The following DSG1 variants were observed in gnomAD, a reference collection of about 807,000 sequenced individuals.
The protein encoded by DSG1 is desmoglein 1, also known as desmoglein-1.
A neutral mutation model predicts 97.5 loss-of-function variants in DSG1; 39 were observed. The ratio of observed to expected loss-of-function variants is 0.40; its 90% confidence interval spans 0.31 to 0.52. The LOEUF (loss-of-function observed/expected upper bound fraction) is 0.52. Among genes scored for constraint, DSG1 ranks in the 20% least tolerant of loss-of-function variants. DSG1 has a pLI of 0.53. For synonymous variants in DSG1, 475 were observed against 443.4 expected, an observed-to-expected ratio of 1.07 and a Z score of -0.90; for missense variants, 1,311 against 1,295.4, an observed-to-expected ratio of 1.01 and a Z score of -0.18.
Position 31,332,237 on chromosome 18 carries a change from G to A in DSG1, c.684+370G>A, listed in dbSNP as rs187738468. ...ATGACTTGCTATATGTCCACGTTTT[G>A]GTGAGTTACAGTGCATGCGAGTATG... On this transcript the variant is annotated intron_variant, in intron 6 of 14. Transcript: ENST00000257192. 2.0e-4 allele frequency among the ~76,000 whole-genome samples: 31 copies of A among 152,178 alleles called. No individual in the cohort carries two copies. In the East Asian group the frequency reaches 5.8e-3, roughly 28 times the overall value.
In DSG1 at chr18:31,329,963, G is replaced by C; in HGVS notation, c.444G>C (p.Leu148Phe). The C allele has an allele frequency of 6.2e-7, 1 of 1,613,238 alleles. No individual in the cohort carries two copies. The highest frequency in any genetic ancestry group is 8.5e-7 in the Non-Finnish European group (1 of 1,179,392). The change falls in exon 5 of 15, where the codon TTG becomes TTC. Residue 148 changes from leucine to phenylalanine, a missense_variant. Transcript: ENST00000257192. ...CTCTAGAGCTCAGAGTCAGGGTTTT[G>C]GATATAAATGACAACCCTCCAGTGT... Reference protein sequence around the residue: ...ERPLELRVRVLDINDNPPVFS... With the variant: ...ERPLELRVRVFDINDNPPVFS...
At chr18:31,353,329 T>C (rs1261502583) in intron 14 of DSG1, among the ~76,000 whole-genome samples, 1 of 151,728 alleles carries the variant, frequency 6.6e-6, no homozygotes, top group East Asian at 1.9e-4. Flanking sequence ...CTGCCCGTTC[T>C]CAGTTCTCCA....
At chr18:31,351,143 C>T (rs1218826229) in intron 14 of DSG1, among the ~76,000 whole-genome samples, 8 of 146,140 alleles carry the variant, frequency 5.5e-5, no homozygotes, top group Non-Finnish European at 7.4e-5. Context: ...GCTTTGAATG[C>T]GTCCCAGAGA....
At chr18:31,347,454 A>G (rs1265744675) in intron 14 of DSG1, among the ~76,000 whole-genome samples, 1 of 152,120 alleles carries the variant, frequency 6.6e-6, no homozygotes, top group African/African-American at 2.4e-5. Context: ...CCCAAAATGT[A>G]AGCTCTGTGA....
At chr18:31,350,476 G>A (rs1313957864) in intron 14 of DSG1, among the ~76,000 whole-genome samples, 1 of 149,222 alleles carries the variant, frequency 6.7e-6, no homozygotes, top group African/African-American at 2.5e-5. Flanking sequence ...AATGATGCTG[G>A]CCTCATAAAA....
intron 14 of DSG1, 100 bp from the exon 15 acceptor site, chr18:31,354,197 C>A: frequency 9.8e-7 from 1 of 1,024,404 alleles, no homozygotes; most frequent in Non-Finnish European, 1.5e-6. Flanking sequence ...TTTCATTCCT[C>A]TTTGGAAATG....
chr18:31,329,755 T>C, intron 4 of DSG1, 137 bp from the exon 5 acceptor site: 1 of 1,084,174 alleles, frequency 9.2e-7, no homozygotes, highest in Non-Finnish European at 1.4e-6. Context: ...CCTTAGTGAC[T>C]GTAAGTAGGG....
chr18:31,350,940 T>C (rs964125067), intron 14 of DSG1, among the ~76,000 whole-genome samples: 1 of 150,688 alleles, frequency 6.6e-6, no homozygotes, highest in African/African-American at 2.5e-5. Context: ...CATTAATTTT[T>C]TGAAGGGTTT....
chr18:31,354,796 G>A lies in DSG1; in HGVS notation c.2600G>A (p.Arg867Lys). The change falls in exon 15 of 15, where the codon AGA becomes AAA. Residue 867 changes from arginine (R) to lysine (K), a missense_variant. This residue lies in a region of DSG1 where 1,038 missense variants were observed against 964.6 expected (regional missense o/e 1.08). Transcript: ENST00000257192. The stretch of plus-strand genomic sequence containing the variant: ...GCATCAAACGTGGTAGTGACAGAGA[G>A]AGTGGTCGGCCCAATCTCTGGCGCT... ...RPASNVVVTERVVGPISGADL... is the reference protein window; with the variant it reads ...RPASNVVVTEKVVGPISGADL... 1 of 1,614,184 alleles carries A rather than the reference G, an allele frequency of 6.2e-7. No individual in the cohort carries two copies. Among genetic ancestry groups the A allele is most frequent in the Non-Finnish European group, 8.5e-7 (1 of 1,180,030 alleles).
At position 31,346,102 on chromosome 18, in the gene DSG1, A is replaced by G. The variant is rs2071832061; in HGVS notation, c.2004A>G (p.Ile668Met). The change falls in exon 14 of 15, where the codon ATA (isoleucine) becomes ATG (methionine). Residue 668 changes from isoleucine (I) to methionine (M), a missense_variant. Coordinates refer to ENST00000257192, the MANE Select transcript of DSG1 (RefSeq NM_001942.4). ...TTAAAACTTCAGGAATGCCTGAGATATGTCAAGAATACTCTGGAACATTAA... is the reference window on the plus strand; with the variant it reads ...TTAAAACTTCAGGAATGCCTGAGATGTGTCAAGAATACTCTGGAACATTAA... The part of the protein sequence containing the change: ...EGVKTSGMPE[I>M]CQEYSGTLRR... 2 of 1,613,506 alleles carry G rather than the reference A, an allele frequency of 1.2e-6. No individual in the cohort carries two copies. Among genetic ancestry groups the G allele is most frequent in the South Asian group, 1.1e-5 (1 of 91,074 alleles).
intron 14 of DSG1, among the ~76,000 whole-genome samples, chr18:31,351,064 G>C (rs1392338004): frequency 2.7e-5 from 4 of 147,768 alleles, no homozygotes; most frequent in African/African-American, 1.1e-4. Context: ...TGATGTTAGG[G>C]TGTCAATTTG....
At position 31,338,385 on chromosome 18, in the gene DSG1, A is replaced by G. The variant is rs1187193127; in HGVS notation, c.1336A>G (p.Asn446Asp). Reference protein sequence around the residue: ...DSRTGKLTLKNKVTKEQYNML... With the variant: ...DSRTGKLTLKDKVTKEQYNML... The stretch of plus-strand genomic sequence containing the variant: ...AAGAACAGGCAAACTCACTTTGAAA[A>G]ATAAAGTTACCAAGGAACAGTACAA... Residue 446 changes from asparagine (N) to aspartate (D), a missense_variant, in exon 10 of 15, where the codon AAT becomes GAT. By Grantham distance (23) the Asn-to-Asp change is conservative. Transcript: ENST00000257192. 7.4e-6 allele frequency: 12 copies of G among 1,613,880 alleles called. No individual in the cohort carries two copies. Among genetic ancestry groups the G allele is most frequent in the Non-Finnish European group, 9.3e-6 (11 of 1,179,832 alleles).
At position 31,354,866 on chromosome 18, in the gene DSG1, G is replaced by C. The variant is rs771323370; in HGVS notation, c.2670G>C (p.Ser890=). The part of the protein sequence containing the change: ...MLEMPDLRDG[S]NVIVTERVIA... ...AGATGCCTGACTTGCGAGATGGGTC[G>C]AATGTTATAGTGACAGAAAGGGTAA... Residue 890 remains serine, a synonymous_variant, in exon 15 of 15, where the codon TCG becomes TCC. Coordinates refer to ENST00000257192, the MANE Select transcript of DSG1 (RefSeq NM_001942.4). 2 of 1,614,020 alleles carry C rather than the reference G, an allele frequency of 1.2e-6. No homozygotes were observed. The highest frequency in any genetic ancestry group is 1.7e-5 in the Admixed American group (1 of 59,990).
intron 8 of DSG1, among the ~76,000 whole-genome samples, chr18:31,334,867 T>A (rs2071742315): frequency 6.6e-6 from 1 of 152,008 alleles, no homozygotes; most frequent in Non-Finnish European, 1.5e-5. Context: ...AGAAAAAAAA[T>A]TTGCCTCCTA....
Position 31,358,334 on chromosome 18 carries a change from T to C in DSG1, c.*2988T>C, listed in dbSNP as rs757442564. 2.6e-5 allele frequency among the ~76,000 whole-genome samples: 4 copies of C among 152,014 alleles called. No individual in the cohort carries two copies. The highest frequency in any genetic ancestry group is 4.8e-5 in the African/African-American group (2 of 41,452). On this transcript the variant is annotated 3_prime_UTR_variant, in exon 15 of 15. Coordinates refer to ENST00000257192, the MANE Select transcript of DSG1 (RefSeq NM_001942.4). ...GATATATCTGCTACATATTATTTAC[T>C]TCTAAGCATGTTGTCTGATGTAATT...
rs946653967 is a variant in DSG1, at chr18:31,338,463, T to A, written c.1405+9T>A. ...GATTCTCTCTATAGATGGTAAGAAA[T>A]TAATTTACATTTTTATCTTTTCTAG... On this transcript the variant is annotated intron_variant, in intron 10 of 14. Coordinates refer to ENST00000257192, the MANE Select transcript of DSG1 (RefSeq NM_001942.4). The A allele has an allele frequency of 1.9e-6, 3 of 1,611,392 alleles. No individual in the cohort carries two copies. Among genetic ancestry groups the A allele is most frequent in the Non-Finnish European group, 2.5e-6 (3 of 1,177,758 alleles).
intron 12 of DSG1, 71 bp downstream of exon 12, chr18:31,343,654 GGCC>G: frequency 1.2e-6 from 2 of 1,603,858 alleles, no homozygotes; most frequent in Admixed American, 3.3e-5. Flanking sequence ...GAACCAAGAT[GGCC>G]GCCATCACTC....
chr18:31,345,748 G>A (rs1397027606), intron 13 of DSG1, among the ~76,000 whole-genome samples: 1 of 152,066 alleles, frequency 6.6e-6, no homozygotes. Context: ...GTCCTCTGCA[G>A]CCTTCACTTC....
At position 31,331,846 on chromosome 18, in the gene DSG1, G is replaced by A. The variant is rs375396241; in HGVS notation, c.663G>A (p.Met221Ile). The A allele has an allele frequency of 6.2e-7, 1 of 1,612,230 alleles. No individual in the cohort carries two copies. The highest frequency in any genetic ancestry group is 1.1e-5 in the South Asian group (1 of 91,044). ...GAAATACTGGAGAAATTCGAACGAT[G>A]AATAATTTTCTAGACAGAGAGGTAA... is the stretch of plus-strand genomic sequence containing the variant. ...INRNTGEIRT[M>I]NNFLDREQYG... Residue 221 changes from methionine to isoleucine, a missense_variant, in exon 6 of 15, where the codon ATG (methionine) becomes ATA (isoleucine). Coordinates refer to ENST00000257192, the MANE Select transcript of DSG1 (RefSeq NM_001942.4).
Sources: allele counts gnomAD v4.1 joint callset (sites outside exome capture counted in the v4.1 genomes callset), GRCh38; gene constraint gnomAD v4.1.1; regional missense constraint gnomAD v4.1.1; transcripts MANE v1.5; gene names NCBI Gene and HGNC (gene_info 2026-07-23, HGNC 2026-07-21).